Variants in ADAMTS16 observed in about 807,000 individuals in gnomAD.
The protein encoded by ADAMTS16 is ADAM metallopeptidase with thrombospondin type 1 motif 16, also known as A disintegrin and metalloproteinase with thrombospondin motifs 16.
In ADAMTS16, 94 loss-of-function variants were observed where a neutral mutation model predicts 145.8. That is an observed-to-expected ratio of 0.64 (90% CI 0.55 to 0.77). ADAMTS16 has a LOEUF of 0.77. ADAMTS16 is among the 30% of genes least tolerant of loss of function. The pLI, the probability that ADAMTS16 is intolerant of heterozygous loss-of-function variation, is 0.00. For synonymous variants in ADAMTS16, 659 were observed against 604.3 expected, an observed-to-expected ratio of 1.09 and a Z score of -1.33; for missense variants, 1,585 against 1,591.5, an observed-to-expected ratio of 1.00 and a Z score of 0.07.
intron 8 of ADAMTS16, among the ~76,000 whole-genome samples, chr5:5,198,718 A>G (rs1385691135): frequency 1.3e-5 from 2 of 152,200 alleles, no homozygotes; most frequent in African/African-American, 4.8e-5. Context: ...ATATTACTAA[A>G]TAGCTCTAAG....
At chr5:5,279,956 CCTT>C (rs1396272352) in intron 18 of ADAMTS16, among the ~76,000 whole-genome samples, 2 of 135,708 alleles carry the variant, frequency 1.5e-5, no homozygotes, top group African/African-American at 2.6e-5. Context: ...TTCCTTCCTT[CCTT>C]CTTTCCTTCT....
In ADAMTS16 at chr5:5,235,098, T is replaced by C. The variant is rs1737059676; in HGVS notation, c.1935T>C (p.Val645=). The C allele has an allele frequency of 2.5e-6, 4 of 1,608,004 alleles. No individual in the cohort carries two copies. Among genetic ancestry groups the C allele is most frequent in the Non-Finnish European group, 3.4e-6 (4 of 1,175,110 alleles). ...GTCAGAAATGTCCCCGGGACAGTGTTGACTTCCGTGCTGCTCAGTGTGCCG... is the reference window on the plus strand; with the variant it reads ...GTCAGAAATGTCCCCGGGACAGTGTCGACTTCCGTGCTGCTCAGTGTGCCG... ...CNSQKCPRDS[V]DFRAAQCAEH... Residue 645 remains valine (V), a synonymous_variant, in exon 13 of 23, where the codon GTT becomes GTC. Coordinates refer to ENST00000274181, the MANE Select transcript of ADAMTS16 (RefSeq NM_139056.4).
intron 20 of ADAMTS16, among the ~76,000 whole-genome samples, chr5:5,304,216 G>C (rs972680792): frequency 6.6e-6 from 1 of 152,196 alleles, no homozygotes. Context: ...GGGGGCAGCT[G>C]TTCTATTTGC....
Position 5,306,461 on chromosome 5 carries a change from AAG to A in ADAMTS16, c.3187-39_3187-38del, listed in dbSNP as rs375721924. 4.6e-4 allele frequency: 724 copies of A among 1,572,362 alleles called. 9 individuals carry two copies. The South Asian group carries it at 5.7e-3, about 12-fold the overall frequency. On this transcript the variant is annotated intron_variant, in intron 20 of 22. Coordinates refer to ENST00000274181, the MANE Select transcript of ADAMTS16 (RefSeq NM_139056.4). ...TTTTAACCCACAGATTTTGCAAAAA[AAG>A]AGATTTTTTTCACTGACTTCTTTTG...
At chr5:5,226,981 C>A in intron 11 of ADAMTS16, among the ~76,000 whole-genome samples, 1 of 100,160 alleles carries the variant, frequency 1.0e-5, no homozygotes, top group South Asian at 3.4e-4. Context: ...CACTGGGGAC[C>A]TCTCTTGTGA....
chr5:5,164,898 G>A (rs910878348), intron 3 of ADAMTS16, among the ~76,000 whole-genome samples: 13 of 152,012 alleles, frequency 8.6e-5, no homozygotes, highest in African/African-American at 2.4e-4. Context: ...GGATGGTCTC[G>A]ATCTCCTGAC....
rs200784477 is a variant in ADAMTS16, at chr5:5,209,106, A to G, written c.1465A>G (p.Ile489Val). The G allele has an allele frequency of 1.5e-5, 25 of 1,613,570 alleles. No individual in the cohort carries two copies. The highest frequency in any genetic ancestry group is 4.4e-5 in the South Asian group (4 of 90,984). ...LHKFLSTAQA[I>V]CLADQPKPVK... ...TCTTTGTTTCAGCACCGCTCAAGCT[A>G]TCTGCCTTGCTGATCAGCCAAAGCC... The change falls in exon 10 of 23, where the codon ATC (isoleucine) becomes GTC (valine). Residue 489 changes from isoleucine (I) to valine (V), a missense_variant. This residue lies in a region of ADAMTS16 where 298 missense variants were observed against 367.6 expected (regional missense o/e 0.81). Transcript: ENST00000274181.
intron 13 of ADAMTS16, among the ~76,000 whole-genome samples, chr5:5,236,284 C>A (rs917427713): frequency 7.1e-6 from 1 of 140,072 alleles, no homozygotes; most frequent in Non-Finnish European, 1.6e-5. Context: ...AAATTTTCAT[C>A]ATTAATTGTC....
At chr5:5,181,254 G>A (rs946470118) in intron 3 of ADAMTS16, among the ~76,000 whole-genome samples, 20 of 152,174 alleles carry the variant, frequency 1.3e-4, no homozygotes, top group Non-Finnish European at 1.9e-4. Context: ...CCCTGGGGCT[G>A]CCTCCTGAGT....
chr5:5,208,882 A>C (rs1736199900), intron 9 of ADAMTS16, among the ~76,000 whole-genome samples: 1 of 152,230 alleles, frequency 6.6e-6, no homozygotes, highest in Non-Finnish European at 1.5e-5. Flanking sequence ...AACAGGTACA[A>C]TGTATAATAA....
At chr5:5,222,050 C>A (rs1173601050) in intron 10 of ADAMTS16, among the ~76,000 whole-genome samples, 1 of 152,244 alleles carries the variant, frequency 6.6e-6, no homozygotes, top group East Asian at 1.9e-4. Context: ...ACAAGTCCTA[C>A]TGTTTGCCCT....
intron 3 of ADAMTS16, among the ~76,000 whole-genome samples, chr5:5,171,158 A>T (rs941319943): frequency 5.3e-5 from 8 of 152,190 alleles, no homozygotes; most frequent in Non-Finnish European, 1.0e-4. Context: ...ATCAATTCTA[A>T]TAACTTTTTG....
intron 11 of ADAMTS16, 41 bp downstream of exon 11, chr5:5,222,925 TA>T: frequency 6.3e-7 from 1 of 1,579,986 alleles, no homozygotes; most frequent in Non-Finnish European, 8.7e-7. Context: ...ATTCAGATGC[TA>T]GTCTTTCAAC....
At chr5:5,281,012 C>T (rs993580313) in intron 18 of ADAMTS16, among the ~76,000 whole-genome samples, 6 of 152,214 alleles carry the variant, frequency 3.9e-5, no homozygotes, top group Non-Finnish European at 7.3e-5. Context: ...CAGTTATTTT[C>T]CTTCTAGCCA....
chr5:5,190,706 G>A (rs535434680), intron 7 of ADAMTS16, among the ~76,000 whole-genome samples: 1 of 152,190 alleles, frequency 6.6e-6, no homozygotes, highest in African/African-American at 2.4e-5. Context: ...AGGGAGGAAG[G>A]GTTTTTGTTT....
At chr5:5,208,866 C>T (rs187909446) in intron 9 of ADAMTS16, among the ~76,000 whole-genome samples, 5 of 152,218 alleles carry the variant, frequency 3.3e-5, no homozygotes, top group Admixed American at 2.6e-4. Context: ...CAAATCGTCT[C>T]CCTGGAACAG....
At chr5:5,209,039 T>C in intron 9 of ADAMTS16, 54 bp from the exon 10 acceptor site, 1 of 1,556,676 alleles carries the variant, frequency 6.4e-7, no homozygotes. Flanking sequence ...TAGTTGTAAG[T>C]CCTTTGGTTA....
Position 5,317,762 on chromosome 5 carries a change from T to C in ADAMTS16, c.3412-372T>C, listed in dbSNP as rs1488767337. Reference sequence around the variant, plus strand: ...AAGCCCAAGCCCGGGAACCGTCTGTTGAGACTATAGAATCCAACTCTAGCG... The same window carrying C: ...AAGCCCAAGCCCGGGAACCGTCTGTCGAGACTATAGAATCCAACTCTAGCG... On this transcript the variant is annotated intron_variant, in intron 21 of 22. Coordinates refer to ENST00000274181, the MANE Select transcript of ADAMTS16 (RefSeq NM_139056.4). This position sits in a 1 kb window ranked among gnomAD's most constrained non-coding sequence, Gnocchi z 4.5. Among the ~76,000 whole-genome samples, 1 of 152,178 alleles carries C rather than the reference T, an allele frequency of 6.6e-6. No homozygotes were observed. Among genetic ancestry groups the C allele is most frequent in the Non-Finnish European group, 1.5e-5 (1 of 68,024 alleles).
At chr5:5,155,296 GTC>G (rs1734572821) in intron 3 of ADAMTS16, among the ~76,000 whole-genome samples, 2 of 152,078 alleles carry the variant, frequency 1.3e-5, no homozygotes, top group African/African-American at 4.8e-5. Context: ...AACTCGCCCA[GTC>G]CCTGTTTCAT....
Sources: gnomAD v4.1 joint callset for allele counts (sites outside exome capture counted in the v4.1 genomes callset) on GRCh38, gnomAD v4.1.1 for gene constraint, gnomAD v4.1.1 regional missense constraint, Gnocchi (gnomAD v3.1) non-coding constraint, MANE v1.5 for transcripts, NCBI Gene and HGNC (gene_info 2026-07-23, HGNC 2026-07-21) for gene names.